Variants in OCA2 observed in about 807,000 individuals in gnomAD.
OCA2 encodes P protein.
OCA2 carries 77 observed loss-of-function variants against 100.2 expected under a neutral mutation model. That is an observed-to-expected ratio of 0.77 (90% CI 0.64 to 0.93). The LOEUF is 0.93. Ranked by LOEUF, OCA2 falls within the 40% of genes least tolerant of loss-of-function variation. OCA2 has a pLI of 0.00. For synonymous variants in OCA2, 432 were observed against 439.2 expected (o/e 0.98, Z 0.21); for missense variants, 1,062 against 1,089.1 (o/e 0.98, Z 0.35).
At chr15:27,972,309 T>G (rs1374194958) in intron 14 of OCA2, among the ~76,000 whole-genome samples, 2 of 152,232 alleles carry the variant, frequency 1.3e-5, no homozygotes, top group African/African-American at 4.8e-5. Context: ...GTGATAAACA[T>G]AAGTGTGCCG....
chr15:28,002,876 A>G (rs2041971282), intron 9 of OCA2, among the ~76,000 whole-genome samples: 1 of 152,214 alleles, frequency 6.6e-6, no homozygotes, highest in South Asian at 2.1e-4. Flanking sequence ...ATACACTCCA[A>G]ATTCAAATAT....
intron 19 of OCA2, among the ~76,000 whole-genome samples, chr15:27,897,832 G>A (rs1164948174): frequency 2.6e-5 from 4 of 152,180 alleles, no homozygotes; most frequent in Admixed American, 2.6e-4. Flanking sequence ...GAAGGCAGCG[G>A]GGACGGAGGC....
rs114002434 is a variant in OCA2, at chr15:27,923,673, C to T, written c.2079+2454G>A. On this transcript the variant is annotated intron_variant, in intron 19 of 23. Coordinates refer to ENST00000354638, the MANE Select transcript of OCA2 (RefSeq NM_000275.3). Reference sequence around the variant, plus strand: ...GTGTATGTCTTCTTTTGAAAGCATTCATGTCCTTTGCTCACTTTTTAGTGC... The same window carrying T: ...GTGTATGTCTTCTTTTGAAAGCATTTATGTCCTTTGCTCACTTTTTAGTGC... Among the ~76,000 whole-genome samples the T allele has an allele frequency of 6.1e-3, 925 of 152,272 alleles. 12 individuals are homozygous for T. The highest frequency in any genetic ancestry group is 0.021 in the African/African-American group (871 of 41,564).
rs573703095 is a variant in OCA2 at position 27,759,474 on chromosome 15, G to C, written c.2433-4002C>G. On this transcript the variant is annotated intron_variant, in intron 23 of 23. Coordinates refer to ENST00000354638, the MANE Select transcript of OCA2 (RefSeq NM_000275.3). ...ATAAATAGCAAAATAGTAAAAGCAC[G>C]GATAAAGAATAAACCACACAAACAG... 3.8e-4 allele frequency among the ~76,000 whole-genome samples: 57 copies of C among 151,856 alleles called. No homozygotes were observed. In the East Asian group the frequency reaches 8.7e-3, roughly 23 times the overall value.
the OCA2 span, among the ~76,000 whole-genome samples, chr15:27,722,344 CCA>C: frequency 6.6e-6 from 1 of 152,196 alleles, no homozygotes; most frequent in South Asian, 2.1e-4. Context: ...AGATCACGTG[CCA>C]AGGTTTTCAT....
rs199747217 is a variant in OCA2, at chr15:27,813,805, TA to T, written c.2432+31153del. 4.1e-3 allele frequency among the ~76,000 whole-genome samples: 629 copies of T among 152,254 alleles called. 5 individuals carry two copies. Among genetic ancestry groups the T allele is most frequent in the African/African-American group, 0.015 (603 of 41,556 alleles). Reference sequence around the variant, plus strand: ...CTGATCTAAAGAAACCTCTTAAAACTAGAGCCAAGAGGAAAACAATCACCCT... The same window carrying T: ...CTGATCTAAAGAAACCTCTTAAAACTGAGCCAAGAGGAAAACAATCACCCT... On this transcript the variant is annotated intron_variant, in intron 23 of 23. Transcript: ENST00000354638.
intron 23 of OCA2, among the ~76,000 whole-genome samples, chr15:27,839,349 G>A (rs749516655): frequency 6.6e-6 from 1 of 152,154 alleles, no homozygotes; most frequent in Non-Finnish European, 1.5e-5. Flanking sequence ...CCTATAATAT[G>A]GAAAATGTGT....
chr15:27,872,804 C>T (rs1034648088), intron 19 of OCA2, among the ~76,000 whole-genome samples: 6 of 151,956 alleles, frequency 3.9e-5, no homozygotes, highest in Non-Finnish European at 7.4e-5. Context: ...ATTCTCCTGC[C>T]TCAGCCTCCC....
At chr15:28,094,514 C>G (rs1195226560) in intron 1 of OCA2, among the ~76,000 whole-genome samples, 3 of 152,224 alleles carry the variant, frequency 2.0e-5, no homozygotes, top group South Asian at 2.1e-4. Context: ...AGACTCACAC[C>G]GAAGTCACCA....
chr15:27,808,274 C>T (rs1350025642), intron 23 of OCA2, among the ~76,000 whole-genome samples: 1 of 152,232 alleles, frequency 6.6e-6, no homozygotes, highest in African/African-American at 2.4e-5. Context: ...ATGCCCAGAA[C>T]AGCCGGAGGA....
intron 9 of OCA2, among the ~76,000 whole-genome samples, chr15:28,006,711 A>G (rs956035224): frequency 6.6e-6 from 1 of 152,264 alleles, no homozygotes; most frequent in Non-Finnish European, 1.5e-5. Flanking sequence ...CTTATGCAAT[A>G]TGTTCCATGA....
intron 23 of OCA2, among the ~76,000 whole-genome samples, chr15:27,769,334 G>T (rs545347394): frequency 6.6e-6 from 1 of 152,186 alleles, no homozygotes; most frequent in Non-Finnish European, 1.5e-5. Context: ...TTAAAAACCT[G>T]CCTGTGCTGA....
At chr15:28,022,391 T>TGAGAATGGC in intron 6 of OCA2, 110 bp downstream of exon 6, 3 of 621,372 alleles carry the variant, frequency 4.8e-6, no homozygotes, top group Non-Finnish European at 7.7e-6. Context: ...ATTCGAGTGG[T>TGAGAATGGC]AATGGCCTGT....
At chr15:27,844,822 GCTAATCTCCC>G (rs2151379810) in intron 23 of OCA2, 127 bp downstream of exon 23, 1 of 718,256 alleles carries the variant, frequency 1.4e-6, no homozygotes, top group South Asian at 1.6e-5. Context: ...TTTTTTCTGA[GCTAATCTCCC>G]CTACACCACA....
At chr15:27,896,494 C>A in intron 19 of OCA2, 1 of 560,898 alleles carries the variant, frequency 1.8e-6, no homozygotes, top group South Asian at 2.0e-5. Context: ...TGGAACTGTC[C>A]CAAAATGTCC....
Position 28,027,890 on chromosome 15 carries a change from G to T in OCA2, c.496C>A (p.Leu166Ile). The T allele has an allele frequency of 6.2e-7, 1 of 1,613,356 alleles. No homozygotes were observed. Among genetic ancestry groups the T allele is most frequent in the Admixed American group, 1.7e-5 (1 of 60,030 alleles). The change falls in exon 4 of 24, where the codon CTC becomes ATC. Residue 166 changes from leucine to isoleucine, a missense_variant. By Grantham distance (5) the Leu-to-Ile change is conservative. Coordinates refer to ENST00000354638, the MANE Select transcript of OCA2 (RefSeq NM_000275.3). ...GCCTACCTCAGCTTGGAAAGACGGA[G>T]TCGGATGTGCGGGCTGTCCAGAAGG... ...GDLLDSPHIR[L>I]RLSKLRRCVQ...
intron 23 of OCA2, among the ~76,000 whole-genome samples, chr15:27,841,365 T>G (rs984484850): frequency 1.3e-5 from 2 of 152,224 alleles, no homozygotes; most frequent in African/African-American, 4.8e-5. Flanking sequence ...GGAACTCTTC[T>G]GTGCCTTGAC....
At chr15:27,856,127 C>T (rs1047762790) in intron 21 of OCA2, among the ~76,000 whole-genome samples, 2 of 152,152 alleles carry the variant, frequency 1.3e-5, no homozygotes. Flanking sequence ...CACACAGGAG[C>T]CTTCCCCGTG....
intron 1 of OCA2, among the ~76,000 whole-genome samples, chr15:28,090,456 C>A (rs1344014114): frequency 1.3e-5 from 2 of 152,062 alleles, no homozygotes; most frequent in African/African-American, 2.4e-5. Flanking sequence ...GACCATAAAC[C>A]AAACCTCAAC....
Sources: allele counts gnomAD v4.1 joint callset (sites outside exome capture counted in the v4.1 genomes callset), GRCh38; gene constraint gnomAD v4.1.1; transcripts MANE v1.5; gene names NCBI Gene and HGNC (gene_info 2026-07-23, HGNC 2026-07-21).